Variants in NRXN1 observed in about 807,000 individuals in gnomAD.
The protein encoded by NRXN1 is neurexin-1.
NRXN1 carries 39 observed loss-of-function variants against 150.9 expected under a neutral mutation model. The ratio of observed to expected loss-of-function variants is 0.26; its 90% CI spans 0.20 to 0.34. NRXN1 has a LOEUF of 0.34. Ranked by LOEUF, NRXN1 falls within the 10% of genes least tolerant of loss-of-function variation. NRXN1 has a pLI of 1.00. For missense variants in NRXN1, 1,815 were observed against 1,949.9 expected (o/e 0.93, Z 1.30); for synonymous variants, 924 against 757.0 (o/e 1.22, Z -3.62).
At chr2:50,826,271 C>G (rs997303214) in intron 5 of NRXN1, among the ~76,000 whole-genome samples, 20 of 152,102 alleles carry the variant, frequency 1.3e-4, no homozygotes, top group African/African-American at 4.8e-4. Flanking sequence ...ATGTAATCTT[C>G]TGGGGACAGT....
intron 5 of NRXN1, among the ~76,000 whole-genome samples, chr2:50,812,939 T>A (rs1035112289): frequency 2.0e-5 from 3 of 152,034 alleles, no homozygotes; most frequent in African/African-American, 7.2e-5. Context: ...TAACATATAG[T>A]GGTTTTGAAT....
At chr2:50,225,317 A>G (rs138549443) in intron 18 of NRXN1, among the ~76,000 whole-genome samples, 6 of 152,008 alleles carry the variant, frequency 3.9e-5, no homozygotes, top group Non-Finnish European at 8.8e-5. Flanking sequence ...TCAGGTATGC[A>G]TTGCTTCCTC....
intron 17 of NRXN1, among the ~76,000 whole-genome samples, chr2:50,282,599 A>G (rs1378696166): frequency 6.6e-6 from 1 of 152,090 alleles, no homozygotes; most frequent in Non-Finnish European, 1.5e-5. Flanking sequence ...TCCCCCCAAA[A>G]TTCTGAGGGA....
intron 5 of NRXN1, among the ~76,000 whole-genome samples, chr2:50,699,815 G>A (rs1450239700): frequency 6.6e-6 from 1 of 152,050 alleles, no homozygotes; most frequent in Non-Finnish European, 1.5e-5. Flanking sequence ...AATAATAAAT[G>A]TAGTCTGTTA....
chr2:50,597,039 G>A (rs1420982398), intron 8 of NRXN1, among the ~76,000 whole-genome samples: 3 of 151,904 alleles, frequency 2.0e-5, no homozygotes, highest in African/African-American at 7.3e-5. Flanking sequence ...TTTTTGTAGG[G>A]ATGGGGTTTC....
rs538062002 is a variant in NRXN1, at chr2:50,432,089, G to A, written c.3364+33353C>T. ...TCGATGTTAGCTAGCAATTTGCGGA[G>A]AAGACTTCCTAGTTCATTTCAGGGA... On this transcript the variant is annotated intron_variant, in intron 17 of 22. Coordinates refer to ENST00000401669, the MANE Select transcript of NRXN1 (RefSeq NM_001330078.2). Among the ~76,000 whole-genome samples the A allele has an allele frequency of 1.1e-4, 17 of 152,256 alleles. No individual in the cohort carries two copies. The East Asian group carries it at 2.7e-3, about 24-fold the overall frequency.
intron 17 of NRXN1, among the ~76,000 whole-genome samples, chr2:50,450,692 T>C (rs2086877124): frequency 6.6e-6 from 1 of 152,170 alleles, no homozygotes; most frequent in African/African-American, 2.4e-5. Flanking sequence ...AGTGAAACGA[T>C]GCTTTCACGC....
At chr2:50,963,917 TCC>T (rs1484773840) in intron 2 of NRXN1, 2 of 389,044 alleles carry the variant, frequency 5.1e-6, no homozygotes, top group Non-Finnish European at 1.0e-5. Context: ...AATTATGGTA[TCC>T]TTGCACTAGG....
At chr2:50,086,866 G>A (rs1465914922) in intron 19 of NRXN1, among the ~76,000 whole-genome samples, 1 of 151,254 alleles carries the variant, frequency 6.6e-6, no homozygotes, top group Non-Finnish European at 1.5e-5. Flanking sequence ...CGAAAATGCG[G>A]GCATGTCTCT....
chr2:50,842,565 T>C (rs1673028225), intron 5 of NRXN1, among the ~76,000 whole-genome samples: 1 of 152,194 alleles, frequency 6.6e-6, no homozygotes, highest in South Asian at 2.1e-4. Flanking sequence ...ATTGGAAATA[T>C]CTGCTTTAGC....
chr2:50,625,040 G>C (rs1354186490), intron 5 of NRXN1: 1 of 151,772 alleles, frequency 6.6e-6, no homozygotes. Context: ...AATTATAAAC[G>C]GTACTGGAGA....
intron 21 of NRXN1, among the ~76,000 whole-genome samples, chr2:50,017,960 T>C (rs867915683): frequency 6.6e-6 from 1 of 152,158 alleles, no homozygotes; most frequent in Admixed American, 6.6e-5. Flanking sequence ...TGACTAAATA[T>C]CTGAATCAGG....
chr2:50,510,443 G>T (rs1270496793), intron 12 of NRXN1, among the ~76,000 whole-genome samples: 2 of 115,294 alleles, frequency 1.7e-5, no homozygotes, highest in African/African-American at 6.8e-5. Flanking sequence ...CCGAGATCTC[G>T]CCATTGCACT....
At chr2:50,377,056 A>C (rs920160359) in intron 17 of NRXN1, among the ~76,000 whole-genome samples, 16 of 151,664 alleles carry the variant, frequency 1.1e-4, no homozygotes, top group African/African-American at 3.6e-4. Flanking sequence ...TTTTCTCTAC[A>C]AACTGATTAT....
At chr2:50,715,815 T>C (rs1353367142) in intron 5 of NRXN1, among the ~76,000 whole-genome samples, 1 of 152,212 alleles carries the variant, frequency 6.6e-6, no homozygotes, top group East Asian at 1.9e-4. Context: ...TTAGTTTCCA[T>C]ATATTAATCT....
chr2:50,645,514 A>C (rs1684694948), intron 5 of NRXN1, among the ~76,000 whole-genome samples: 1 of 151,886 alleles, frequency 6.6e-6, no homozygotes, highest in South Asian at 2.1e-4. Context: ...TGAAAACGTG[A>C]GCTCCATGAA....
intron 18 of NRXN1, among the ~76,000 whole-genome samples, chr2:50,219,929 ATATATATTATATAT>A (rs1385698940): frequency 1.3e-5 from 1 of 77,968 alleles, no homozygotes. Context: ...TCTCTATATT[ATATATATTATATAT>A]TATATATATA....
rs146562372 is a variant in NRXN1, at chr2:49,995,106, G to A, written c.4129-51315C>T. Among the ~76,000 whole-genome samples, 555 of 152,222 alleles carry A rather than the reference G, an allele frequency of 3.6e-3. 5 individuals carry two copies. Among genetic ancestry groups the A allele is most frequent in the African/African-American group, 0.012 (510 of 41,540 alleles). Reference sequence around the variant, plus strand: ...CACCTTTCGATTTCATATAGCTAAGGATACACATTTCTCACAGTGATTGAA... The same window carrying A: ...CACCTTTCGATTTCATATAGCTAAGAATACACATTTCTCACAGTGATTGAA... On this transcript the variant is annotated intron_variant, in intron 21 of 22. Transcript: ENST00000401669.
At chr2:50,992,523 G>T (rs1698691144) in intron 2 of NRXN1, among the ~76,000 whole-genome samples, 1 of 150,128 alleles carries the variant, frequency 6.7e-6, no homozygotes, top group African/African-American at 2.4e-5. Flanking sequence ...CTTATAAAAA[G>T]CACAGTTCTT....
Sources: allele counts gnomAD v4.1 joint callset (sites outside exome capture counted in the v4.1 genomes callset), GRCh38; gene constraint gnomAD v4.1.1; transcripts MANE v1.5; gene names NCBI Gene and HGNC (gene_info 2026-07-23, HGNC 2026-07-21).